Variants in CTXND1 observed in about 807,000 individuals in gnomAD.
CTXND1 encodes cortexin domain-containing 1 protein.
chr15:80,203,420 C>T lies in CTXND1; in HGVS notation c.-66+169G>A, dbSNP rs191170383. On this transcript the variant is annotated intron_variant, in intron 2 of 2. Coordinates refer to ENST00000560778, the MANE Select transcript of CTXND1 (RefSeq NM_001352888.2). ...ACCCGAGGTCCCTACATGTCTCTGC[C>T]TCCTGTAGTGGGGCTCCATCTTCCC... Among the ~76,000 whole-genome samples the T allele has an allele frequency of 4.0e-4, 61 of 152,320 alleles. No homozygotes were observed. The East Asian group carries it at 0.01, about 26-fold the overall frequency.
chr15:80,222,991 T>C (rs759851253), intron 1 of CTXND1, among the ~76,000 whole-genome samples: 1 of 152,258 alleles, frequency 6.6e-6, no homozygotes, highest in Non-Finnish European at 1.5e-5. Context: ...TGAAACTTCA[T>C]ATAAATGGAA....
intron 1 of CTXND1, among the ~76,000 whole-genome samples, chr15:80,249,481 T>G (rs1893670547): frequency 6.6e-6 from 1 of 152,226 alleles, no homozygotes; most frequent in Non-Finnish European, 1.5e-5. Context: ...GTCAGGAAAA[T>G]GGGGATAATA....
At chr15:80,209,264 C>T (rs1317408128) in intron 1 of CTXND1, among the ~76,000 whole-genome samples, 1 of 152,202 alleles carries the variant, frequency 6.6e-6, no homozygotes, top group Non-Finnish European at 1.5e-5. Flanking sequence ...CCTTAATTAC[C>T]AGGCAGGCAT....
intron 1 of CTXND1, among the ~76,000 whole-genome samples, chr15:80,210,268 C>T (rs555571910): frequency 1.3e-5 from 2 of 152,304 alleles, no homozygotes; most frequent in East Asian, 3.9e-4. Flanking sequence ...AGCCAGTCCA[C>T]TGAAGTTTAG....
chr15:80,199,591 T>G lies in CTXND1; in HGVS notation c.*2179A>C, dbSNP rs1472910912. On this transcript the variant is annotated 3_prime_UTR_variant, in exon 3 of 3. Coordinates refer to ENST00000560778, the MANE Select transcript of CTXND1 (RefSeq NM_001352888.2). ...AACCTGAGGCAATGCACAAAAGGCT[T>G]TTGCTTTAGATCCTCCCCATCATAC... The G allele has an allele frequency of 6.6e-6, 1 of 152,210 alleles. No homozygotes were observed. Among genetic ancestry groups the G allele is most frequent in the Non-Finnish European group, 1.5e-5 (1 of 68,086 alleles). The allele number at this position is 152,210 out of a possible 1,614,324, so 9.4% of individuals were successfully genotyped here. A position where few individuals can be genotyped will look rare whatever the true frequency, so the allele number is the denominator to read the frequency against.
intron 1 of CTXND1, among the ~76,000 whole-genome samples, chr15:80,208,661 A>G (rs1262959160): frequency 2.6e-5 from 4 of 152,186 alleles, no homozygotes; most frequent in Non-Finnish European, 5.9e-5. Context: ...CAGTATCACC[A>G]TCATTAGTGT....
At chr15:80,233,099 G>C (rs1413726444) in intron 1 of CTXND1, among the ~76,000 whole-genome samples, 1 of 151,874 alleles carries the variant, frequency 6.6e-6, no homozygotes, top group African/African-American at 2.4e-5. Context: ...CCACCACCAC[G>C]CCTGGCTAAT....
chr15:80,232,551 G>A (rs1019724367), intron 1 of CTXND1, among the ~76,000 whole-genome samples: 1 of 152,154 alleles, frequency 6.6e-6, no homozygotes, highest in African/African-American at 2.4e-5. Context: ...GCATGAGCAG[G>A]AGAGTCGTCC....
chr15:80,246,727 GT>G (rs1166729810), intron 1 of CTXND1, among the ~76,000 whole-genome samples: 1 of 152,216 alleles, frequency 6.6e-6, no homozygotes, highest in Non-Finnish European at 1.5e-5. Flanking sequence ...AGACTCTAAT[GT>G]TTATCGTGCC....
At chr15:80,219,603 A>T (rs540349830) in intron 1 of CTXND1, among the ~76,000 whole-genome samples, 36 of 152,242 alleles carry the variant, frequency 2.4e-4, no homozygotes, top group Admixed American at 2.0e-3. Flanking sequence ...GACATTGCCA[A>T]TTTTTCCTCC....
In CTXND1 at chr15:80,199,997, G is replaced by A. The variant is rs560430328; in HGVS notation, c.*1773C>T. The A allele has an allele frequency of 1.1e-4, 16 of 152,356 alleles. No homozygotes were observed. The East Asian group carries it at 2.7e-3, about 26-fold the overall frequency. The allele number at this position is 152,356 out of a possible 1,614,324, so 9.4% of individuals were successfully genotyped here. A position where few individuals can be genotyped will look rare whatever the true frequency, so the allele number is the denominator to read the frequency against. On this transcript the variant is annotated 3_prime_UTR_variant, in exon 3 of 3. Transcript: ENST00000560778. Reference sequence around the variant, plus strand: ...GTGCTCTCATTTAACTTCGTACCATGTTATGGGAAAACTGATGACAAAGGC... The same window carrying A: ...GTGCTCTCATTTAACTTCGTACCATATTATGGGAAAACTGATGACAAAGGC...
intron 1 of CTXND1, among the ~76,000 whole-genome samples, chr15:80,218,255 C>T (rs1425044562): frequency 1.3e-5 from 2 of 152,070 alleles, no homozygotes; most frequent in Admixed American, 6.5e-5. Flanking sequence ...ATCACTTCAG[C>T]CTCCCAAGTA....
At chr15:80,233,734 C>T (rs887737306) in intron 1 of CTXND1, among the ~76,000 whole-genome samples, 4 of 152,158 alleles carry the variant, frequency 2.6e-5, no homozygotes, top group Non-Finnish European at 4.4e-5. Context: ...AACCTGCAAG[C>T]GACTGACTTT....
rs71455324 is a variant in CTXND1, at chr15:80,232,941, C to CTTT, written c.-218+19063_-218+19065dup. Among the ~76,000 whole-genome samples, 161 of 123,200 alleles carry CTTT rather than the reference C, an allele frequency of 1.3e-3. 3 individuals carry two copies. The highest frequency in any genetic ancestry group is 2.0e-3 in the Non-Finnish European group (120 of 60,642). The allele number at this position is 123,200 out of a possible 152,430, so 80.8% of individuals were successfully genotyped here. ...GATATTAGACGAAAAATGCAACTTCCTTTTTTTTTTTTTTTTTTTGAGACT... is the reference window on the plus strand; with the variant it reads ...GATATTAGACGAAAAATGCAACTTCCTTTTTTTTTTTTTTTTTTTTTTGAGACT... On this transcript the variant is annotated intron_variant, in intron 1 of 2. Coordinates refer to ENST00000560778, the MANE Select transcript of CTXND1 (RefSeq NM_001352888.2).
chr15:80,247,162 C>T (rs966168985), intron 1 of CTXND1, among the ~76,000 whole-genome samples: 1 of 152,060 alleles, frequency 6.6e-6, no homozygotes, highest in African/African-American at 2.4e-5. Flanking sequence ...CCAGGAGGTC[C>T]CCATGCTCCC....
chr15:80,209,041 C>T (rs1893178739), intron 1 of CTXND1, among the ~76,000 whole-genome samples: 1 of 152,200 alleles, frequency 6.6e-6, no homozygotes, highest in East Asian at 1.9e-4. Context: ...CAGATAACTT[C>T]ATACAGATTG....
chr15:80,235,063 G>A (rs1893478674), intron 1 of CTXND1, among the ~76,000 whole-genome samples: 1 of 152,136 alleles, frequency 6.6e-6, no homozygotes, highest in Non-Finnish European at 1.5e-5. Flanking sequence ...CTTGCAACCA[G>A]GGCTCTTCCT....
intron 1 of CTXND1, among the ~76,000 whole-genome samples, chr15:80,232,371 C>G (rs965532111): frequency 6.6e-6 from 1 of 152,158 alleles, no homozygotes; most frequent in African/African-American, 2.4e-5. Flanking sequence ...CTCAGGAAAT[C>G]GAGCTCATGT....
At chr15:80,209,079 T>C (rs1400779081) in intron 1 of CTXND1, among the ~76,000 whole-genome samples, 3 of 152,176 alleles carry the variant, frequency 2.0e-5, no homozygotes, top group Non-Finnish European at 2.9e-5. Flanking sequence ...AGGGATCACC[T>C]TGTGACCCTC....
Sources: allele counts gnomAD v4.1 joint callset (sites outside exome capture counted in the v4.1 genomes callset), GRCh38; gene constraint gnomAD v4.1.1; transcripts MANE v1.5; gene names NCBI Gene and HGNC (gene_info 2026-07-23, HGNC 2026-07-21).